HACD2: variants seen among roughly 807,000 people sequenced by gnomAD.
HACD2 encodes the protein very-long-chain (3R)-3-hydroxyacyl-CoA dehydratase 2.
HACD2 carries 15 observed loss-of-function variants against 31.0 expected under a neutral mutation model. That is an observed-to-expected ratio of 0.48 (90% CI 0.32 to 0.75). The LOEUF (loss-of-function observed/expected upper bound fraction) is 0.75, where lower values mean the gene tolerates loss of function less well. Among genes scored for constraint, HACD2 ranks in the 30% least tolerant of loss-of-function variants. The pLI is 0.03. For missense variants in HACD2, 283 were observed against 313.0 expected (o/e 0.90, Z 0.72); for synonymous variants, 115 against 122.2 (o/e 0.94, Z 0.39).
chr3:123,580,393 T>C (rs992070254), intron 2 of HACD2, among the ~76,000 whole-genome samples: 3 of 151,936 alleles, frequency 2.0e-5, no homozygotes, highest in Non-Finnish European at 4.4e-5. Context: ...GGAGGATGGC[T>C]GGGGCCTGGG....
chr3:123,516,614 A>C (rs528504433), intron 4 of HACD2, among the ~76,000 whole-genome samples: 2 of 152,292 alleles, frequency 1.3e-5, no homozygotes, highest in East Asian at 3.9e-4. Context: ...ACTGAGAACT[A>C]TTTTTTTGAT....
chr3:123,513,019 T>TGGGGAA (rs1553756424), intron 4 of HACD2, among the ~76,000 whole-genome samples: 1 of 152,132 alleles, frequency 6.6e-6, no homozygotes, highest in Non-Finnish European at 1.5e-5. Flanking sequence ...GGGCTGGGGC[T>TGGGGAA]GGGGAAGTAC....
chr3:123,526,533 CTT>C (rs368974799), intron 4 of HACD2, among the ~76,000 whole-genome samples: 3,716 of 142,398 alleles, frequency 0.026, 64 homozygotes, highest in Middle Eastern at 0.089. Context: ...TTTTCTTTTC[CTT>C]TTTTTTTTTG....
intron 2 of HACD2, among the ~76,000 whole-genome samples, chr3:123,573,559 G>C (rs2056877070): frequency 6.6e-6 from 1 of 152,138 alleles, no homozygotes; most frequent in Non-Finnish European, 1.5e-5. Context: ...CTCAGGACAG[G>C]GTGAGTGGTG....
intron 3 of HACD2, among the ~76,000 whole-genome samples, chr3:123,531,726 T>G (rs1427491984): frequency 6.6e-6 from 1 of 152,228 alleles, no homozygotes; most frequent in Non-Finnish European, 1.5e-5. Context: ...TAACTTCTAC[T>G]GTTTATATTG....
intron 4 of HACD2, among the ~76,000 whole-genome samples, chr3:123,510,998 G>A (rs1171177569): frequency 6.7e-6 from 1 of 150,196 alleles, no homozygotes; most frequent in Non-Finnish European, 1.5e-5. Flanking sequence ...GTGTAAAGTG[G>A]TATCTCACAG....
chr3:123,502,037 C>T (rs182815173), intron 5 of HACD2, among the ~76,000 whole-genome samples: 2 of 152,276 alleles, frequency 1.3e-5, no homozygotes, highest in East Asian at 3.9e-4. Flanking sequence ...TAGCCTTTTA[C>T]CAAAGTCATC....
rs2055761925 is a variant in HACD2 at position 123,491,580 on chromosome 3, A to G, written c.*3308T>C. 1 of 152,666 alleles carries G rather than the reference A, an allele frequency of 6.6e-6. No individual in the cohort carries two copies. Among genetic ancestry groups the G allele is most frequent in the African/African-American group, 2.4e-5 (1 of 41,458 alleles). 9.5% of individuals were successfully genotyped at this position (152,666 alleles called of 1,614,324 possible). A position where few individuals can be genotyped will look rare whatever the true frequency, so the allele number is the denominator to read the frequency against. On this transcript the variant is annotated 3_prime_UTR_variant, in exon 7 of 7. Transcript: ENST00000383657. Reference sequence around the variant, plus strand: ...TTCAAATCCAGGCAGAGCACACACCAGTTTATTTTGAAATGCAACACAGAT... The same window carrying G: ...TTCAAATCCAGGCAGAGCACACACCGGTTTATTTTGAAATGCAACACAGAT...
At chr3:123,550,613 G>A (rs1353515606) in intron 3 of HACD2, among the ~76,000 whole-genome samples, 1 of 152,194 alleles carries the variant, frequency 6.6e-6, no homozygotes, top group Non-Finnish European at 1.5e-5. Flanking sequence ...GATTAGGAAC[G>A]AGGTGGAAAC....
At chr3:123,577,308 A>C (rs1200333753) in intron 2 of HACD2, among the ~76,000 whole-genome samples, 1 of 152,182 alleles carries the variant, frequency 6.6e-6, no homozygotes, top group African/African-American at 2.4e-5. Flanking sequence ...TCACAGAGGC[A>C]TATCCAATCA....
At chr3:123,529,157 G>C (rs2056320986) in intron 3 of HACD2, among the ~76,000 whole-genome samples, 1 of 152,090 alleles carries the variant, frequency 6.6e-6, no homozygotes, top group African/African-American at 2.4e-5. Flanking sequence ...CTGGAGTGTA[G>C]TGGTGCAATC....
At chr3:123,567,962 G>T (rs1376379341) in intron 2 of HACD2, among the ~76,000 whole-genome samples, 182 bp from the exon 3 acceptor site, 1 of 152,080 alleles carries the variant, frequency 6.6e-6, no homozygotes, top group Non-Finnish European at 1.5e-5. Context: ...GTAAATTCTT[G>T]TTCAGTTTTG....
intron 1 of HACD2, chr3:123,584,576 T>A: frequency 4.3e-6 from 1 of 231,172 alleles, no homozygotes; most frequent in Non-Finnish European, 8.4e-6. Context: ...CCCGCACCTG[T>A]GGCCAGCCCC....
intron 2 of HACD2, among the ~76,000 whole-genome samples, chr3:123,569,376 T>G (rs2056828476): frequency 6.6e-6 from 1 of 152,128 alleles, no homozygotes; most frequent in Non-Finnish European, 1.5e-5. Flanking sequence ...GTTCATTTGT[T>G]TTGGACACAG....
At chr3:123,518,608 CA>C (rs2056174698) in intron 4 of HACD2, among the ~76,000 whole-genome samples, 1 of 152,128 alleles carries the variant, frequency 6.6e-6, no homozygotes, top group South Asian at 2.1e-4. Context: ...TGACCTTGGC[CA>C]AAGATTCTTT....
In HACD2 at chr3:123,546,267, G is replaced by A. The variant is rs114390732; in HGVS notation, c.293-17793C>T. Among the ~76,000 whole-genome samples the A allele has an allele frequency of 4.3e-3, 660 of 152,258 alleles. 4 individuals carry two copies. Among genetic ancestry groups the A allele is most frequent in the African/African-American group, 0.015 (641 of 41,530 alleles). On this transcript the variant is annotated intron_variant, in intron 3 of 6. Transcript: ENST00000383657. Reference sequence around the variant, plus strand: ...TACTATCACTATGTGCTATTGCCAAGTGGATGGACTCATGGATTGCTCTAT... The same window carrying A: ...TACTATCACTATGTGCTATTGCCAAATGGATGGACTCATGGATTGCTCTAT...
chr3:123,525,598 C>T (rs1387694383), intron 4 of HACD2, among the ~76,000 whole-genome samples: 1 of 152,126 alleles, frequency 6.6e-6, no homozygotes, highest in Non-Finnish European at 1.5e-5. Context: ...ACATCATGTA[C>T]AGGTACAGAA....
chr3:123,545,681 T>G (rs994689016), intron 3 of HACD2, among the ~76,000 whole-genome samples: 1 of 149,740 alleles, frequency 6.7e-6, no homozygotes, highest in African/African-American at 2.4e-5. Flanking sequence ...TTATTTACAA[T>G]CATCTTACCA....
intron 4 of HACD2, among the ~76,000 whole-genome samples, chr3:123,509,550 G>C (rs1408686275): frequency 2.0e-5 from 3 of 148,890 alleles, no homozygotes; most frequent in African/African-American, 7.4e-5. Flanking sequence ...CCAGGCTGGA[G>C]TGCAGTGGCG....
Sources: gnomAD v4.1 joint callset for allele counts (sites outside exome capture counted in the v4.1 genomes callset) on GRCh38, gnomAD v4.1.1 for gene constraint, MANE v1.5 for transcripts, NCBI Gene and HGNC (gene_info 2026-07-23, HGNC 2026-07-21) for gene names.